The following CLGN variants were observed in gnomAD, a reference collection of about 807,000 sequenced individuals.
The protein encoded by CLGN is testis tissue sperm-binding protein Li 79P.
In CLGN, 62 loss-of-function variants were observed where a neutral mutation model predicts 79.1. That is an observed-to-expected ratio of 0.78 (90% CI 0.64 to 0.97). The LOEUF is 0.97. CLGN is among the 50% of genes least tolerant of loss of function. CLGN has a pLI of 0.00. For synonymous variants in CLGN, 225 were observed against 224.7 expected, an observed-to-expected ratio of 1.00 and a Z score of -0.01; for missense variants, 647 against 715.5, an observed-to-expected ratio of 0.90 and a Z score of 1.09.
At chr4:140,415,373 A>G (rs1346306734) in intron 1 of CLGN, among the ~76,000 whole-genome samples, 60 of 150,564 alleles carry the variant, frequency 4.0e-4, no homozygotes, top group African/African-American at 7.0e-4. Context: ...ATGTAAATGG[A>G]CTAAATGCTC....
intron 1 of CLGN, among the ~76,000 whole-genome samples, chr4:140,421,764 T>C (rs950877954): frequency 2.0e-5 from 3 of 152,108 alleles, no homozygotes; most frequent in East Asian, 1.9e-4. Flanking sequence ...CATTTTGTTG[T>C]GTTCTTTGAT....
chr4:140,409,951 TAG>T (rs1729180669), intron 3 of CLGN, 56 bp from the exon 4 acceptor site: 1 of 1,176,994 alleles, frequency 8.5e-7, no homozygotes, highest in Admixed American at 2.0e-5. Context: ...CAGCAATTTA[TAG>T]ATATAAGGCA....
At chr4:140,412,697 G>C (rs1343643486) in intron 2 of CLGN, among the ~76,000 whole-genome samples, 1 of 152,060 alleles carries the variant, frequency 6.6e-6, no homozygotes, top group Non-Finnish European at 1.5e-5. Context: ...TGTTTTGATA[G>C]TAAAAACCTC....
chr4:140,397,890 C>T (rs990407938), intron 8 of CLGN, among the ~76,000 whole-genome samples: 1 of 152,056 alleles, frequency 6.6e-6, no homozygotes, highest in Non-Finnish European at 1.5e-5. Flanking sequence ...GGTGACAGAG[C>T]GAGATTCCAT....
Position 140,389,314 on chromosome 4 carries a change from A to G in CLGN, c.1753-10T>C. On this transcript the variant is annotated splice_polypyrimidine_tract_variant and intron_variant, in intron 14 of 14. Transcript: ENST00000325617. ...CATCTGCTTCTTTCATCTAGAAAAA[A>G]TAATTATGAAAAGGTTTCTTTTAGT... 6.2e-7 allele frequency: 1 copy of G among 1,608,092 alleles called. No individual in the cohort carries two copies. Among genetic ancestry groups the G allele is most frequent in the Non-Finnish European group, 8.5e-7 (1 of 1,175,558 alleles).
At chr4:140,399,915 A>G (rs1686341312) in intron 7 of CLGN, among the ~76,000 whole-genome samples, 1 of 152,206 alleles carries the variant, frequency 6.6e-6, no homozygotes, top group Non-Finnish European at 1.5e-5. Context: ...CCTACAGAAT[A>G]AAGTCTAAAC....
chr4:140,396,888 T>TATATAC (rs1728893359), intron 8 of CLGN, among the ~76,000 whole-genome samples: 1 of 61,538 alleles, frequency 1.6e-5, no homozygotes, highest in South Asian at 7.4e-4. Flanking sequence ...TATATATATA[T>TATATAC]ATGTATATAT....
intron 1 of CLGN, among the ~76,000 whole-genome samples, chr4:140,413,905 G>A (rs1729267885): frequency 6.6e-6 from 1 of 152,248 alleles, no homozygotes; most frequent in Non-Finnish European, 1.5e-5. Context: ...CTGGGGGCAG[G>A]GCACAGACAA....
chr4:140,408,851 G>A (rs1022942480), intron 4 of CLGN, among the ~76,000 whole-genome samples: 5 of 135,130 alleles, frequency 3.7e-5, no homozygotes, highest in Admixed American at 3.1e-4. Flanking sequence ...CCTTTTTGGA[G>A]TTGATAAGCA....
chr4:140,399,177 A>G, intron 7 of CLGN, 137 bp from the exon 8 acceptor site: 1 of 640,770 alleles, frequency 1.6e-6, no homozygotes, highest in Admixed American at 3.7e-5. Flanking sequence ...TAACCAATGT[A>G]TTGAACTAAA....
intron 10 of CLGN, among the ~76,000 whole-genome samples, chr4:140,395,159 G>T (rs1168478064): frequency 1.3e-4 from 19 of 147,510 alleles, no homozygotes; most frequent in East Asian, 7.9e-4. Flanking sequence ...TTGTTTTTTT[G>T]TTTTTTTGTT....
intron 1 of CLGN, among the ~76,000 whole-genome samples, chr4:140,416,454 G>A (rs1269004828): frequency 6.6e-6 from 1 of 151,218 alleles, no homozygotes; most frequent in South Asian, 2.1e-4. Flanking sequence ...TAGACTGCTA[G>A]CAAGACTAAT....
At chr4:140,390,355 T>C (rs1334463039) in intron 14 of CLGN, among the ~76,000 whole-genome samples, 3 of 151,804 alleles carry the variant, frequency 2.0e-5, no homozygotes, top group Non-Finnish European at 3.0e-5. Flanking sequence ...AGAATTTCAA[T>C]GAGAAAGTCA....
At chr4:140,400,270 C>T (rs1424310634) in intron 7 of CLGN, 87 bp downstream of exon 7, 7 of 897,698 alleles carry the variant, frequency 7.8e-6, no homozygotes, top group East Asian at 7.5e-5. Context: ...ATGGGGTACA[C>T]ATTTGTTTTC....
chr4:140,394,843 T>C (rs1728838443), intron 10 of CLGN, among the ~76,000 whole-genome samples: 1 of 152,118 alleles, frequency 6.6e-6, no homozygotes, highest in Non-Finnish European at 1.5e-5. Context: ...TAGAAACTTT[T>C]AATATAAAAA....
rs1729594225 is a variant in CLGN, at chr4:140,427,536, C to T, written c.-10+1G>A. 6.6e-6 allele frequency: 1 copy of T among 152,328 alleles called. No individual in the cohort carries two copies. Among genetic ancestry groups the T allele is most frequent in the South Asian group, 2.1e-4 (1 of 4,838 alleles). 9.4% of individuals were successfully genotyped at this position (152,328 alleles called of 1,614,324 possible). A position where few individuals can be genotyped will look rare whatever the true frequency, so the allele number is the denominator to read the frequency against. ...GGGAACGCGGCCTGCTGCTCACGCA[C>T]CTCTCTTGCGGCCTGTTTTCGGCAG... On this transcript the variant is annotated splice_donor_variant, in intron 1 of 14. Coordinates refer to ENST00000325617, the MANE Select transcript of CLGN (RefSeq NM_004362.3). LOFTEE classifies it low-confidence loss of function (5UTR_SPLICE).
intron 4 of CLGN, among the ~76,000 whole-genome samples, chr4:140,408,939 G>A (rs1406967252): frequency 6.7e-6 from 1 of 149,932 alleles, no homozygotes; most frequent in African/African-American, 2.4e-5. Flanking sequence ...ATATATTTGT[G>A]TATATATGTA....
chr4:140,398,263 CTTT>C (rs1162212217), intron 8 of CLGN, among the ~76,000 whole-genome samples: 3 of 86,796 alleles, frequency 3.5e-5, no homozygotes, highest in Admixed American at 3.0e-4. Flanking sequence ...CAAACATACT[CTTT>C]TTTTTTTTTT....
intron 1 of CLGN, among the ~76,000 whole-genome samples, chr4:140,421,727 A>G (rs752820299): frequency 6.6e-6 from 1 of 152,134 alleles, no homozygotes; most frequent in Non-Finnish European, 1.5e-5. Flanking sequence ...TGATTGGCAA[A>G]TATTTTCTCC....
Sources: allele counts gnomAD v4.1 joint callset (sites outside exome capture counted in the v4.1 genomes callset), GRCh38; gene constraint gnomAD v4.1.1; transcripts MANE v1.5; gene names NCBI Gene and HGNC (gene_info 2026-07-23, HGNC 2026-07-21).